Variants in RILPL1 observed in about 807,000 individuals in gnomAD.
RILPL1 encodes the protein Rab interacting lysosomal protein like 1.
Under a neutral mutation model 50.3 loss-of-function variants are expected in RILPL1, and 33 were observed. That is an observed-to-expected ratio of 0.66 (90% CI 0.50 to 0.88). The LOEUF (loss-of-function observed/expected upper bound fraction) is 0.88, where lower values mean the gene tolerates loss of function less well. RILPL1 is among the 40% of genes least tolerant of loss of function. The pLI, the probability that RILPL1 is intolerant of heterozygous loss-of-function variation, is 0.00. For synonymous variants in RILPL1, 205 were observed against 228.6 expected, an observed-to-expected ratio of 0.90 and a Z score of 0.93; for missense variants, 418 against 542.5, an observed-to-expected ratio of 0.77 and a Z score of 2.28.
rs113125813 is a variant in RILPL1 at position 123,498,207 on chromosome 12, T to TTCTC, written c.801+333_801+336dup. On this transcript the variant is annotated intron_variant, in intron 4 of 6. Coordinates refer to ENST00000376874, the MANE Select transcript of RILPL1 (RefSeq NM_178314.5). The surrounding 1 kb of genome is among the most constrained non-coding windows in gnomAD (Gnocchi z 4.3). ...TTGTTCTCTCTGAGCCTCTCGTTTT[T>TTCTC]TCTCTCTCTCTCTCTCTCTTTTTTT... Among the ~76,000 whole-genome samples, 8 of 151,052 alleles carry TTCTC rather than the reference T, an allele frequency of 5.3e-5. No homozygotes were observed. The highest frequency in any genetic ancestry group is 3.4e-3 in the Middle Eastern group (1 of 294).
At chr12:123,513,290 G>A in intron 2 of RILPL1, 5 of 310,908 alleles carry the variant, frequency 1.6e-5, no homozygotes, top group South Asian at 1.2e-4. Context: ...AACTCCTCCC[G>A]ACCCCCCGCC....
intron 2 of RILPL1, among the ~76,000 whole-genome samples, chr12:123,512,496 GTGGTGTGAGATCTGTGT>G: frequency 7.1e-6 from 1 of 141,028 alleles, no homozygotes; most frequent in Admixed American, 7.1e-5. Context: ...CTGTGTGTGT[GTGGTGTGAGATCTGTGT>G]GTGTGTGAGG....
intron 4 of RILPL1, among the ~76,000 whole-genome samples, chr12:123,487,309 CT>C (rs35920839): frequency 2.3e-3 from 332 of 146,566 alleles, no homozygotes; most frequent in Non-Finnish European, 3.5e-3. Context: ...GCACTTCACT[CT>C]TTTTTTTTTT....
rs1222599950 is a variant in RILPL1, at chr12:123,478,169, A to G, written c.1068-5487T>C. Among the ~76,000 whole-genome samples the G allele has an allele frequency of 3.3e-5, 5 of 151,046 alleles. No individual in the cohort carries two copies. The East Asian group carries it at 9.8e-4, about 30-fold the overall frequency. On this transcript the variant is annotated intron_variant, in intron 6 of 6. Coordinates refer to ENST00000376874, the MANE Select transcript of RILPL1 (RefSeq NM_178314.5). ...GTGCCACCATGCCCGGCCAATTAAA[A>G]AAAATTTTTTTCCTCGAGATAGGGT...
At chr12:123,486,609 A>G (rs1395141819) in intron 4 of RILPL1, among the ~76,000 whole-genome samples, 1 of 152,138 alleles carries the variant, frequency 6.6e-6, no homozygotes, top group East Asian at 1.9e-4. Flanking sequence ...GTTCTAGAAC[A>G]TTTTCTTCAT....
At chr12:123,526,738 C>T (rs2048615) in intron 1 of RILPL1, among the ~76,000 whole-genome samples, 85,160 of 152,028 alleles carry the variant, frequency 0.56, 25,878 homozygotes, top group East Asian at 0.9. Context: ...GCACAGAGGG[C>T]GCAAGGTCAC....
chr12:123,500,177 G>A (rs1396087769), intron 2 of RILPL1, among the ~76,000 whole-genome samples: 8 of 151,082 alleles, frequency 5.3e-5, no homozygotes, highest in Middle Eastern at 3.5e-3. Flanking sequence ...TGATCCGCCC[G>A]CCTCGGCCTC....
intron 2 of RILPL1, among the ~76,000 whole-genome samples, chr12:123,517,451 C>T (rs376150476): frequency 1.4e-4 from 20 of 145,862 alleles, no homozygotes; most frequent in Admixed American, 2.8e-4. Context: ...TTGCGAGTCT[C>T]GCTGTGTTGC....
intron 1 of RILPL1, among the ~76,000 whole-genome samples, chr12:123,528,609 AG>A (rs1432039567): frequency 6.6e-6 from 1 of 151,556 alleles, no homozygotes; most frequent in Non-Finnish European, 1.5e-5. Context: ...TTGTATTTTT[AG>A]TAGAGACGGG....
intron 6 of RILPL1, among the ~76,000 whole-genome samples, chr12:123,483,220 C>G (rs1324751345): frequency 1.3e-5 from 2 of 152,216 alleles, no homozygotes; most frequent in African/African-American, 4.8e-5. Context: ...GAATGCAGCT[C>G]CAACACTGCA....
In RILPL1 at chr12:123,485,704, G is replaced by A. The variant is rs745353568; in HGVS notation, c.903C>T (p.Asp301=). ...RPRFTLQELR[D]VLHERNELKS... is the part of the protein sequence containing the mutation. ...TGAGCTCGTTCCTCTCGTGCAGCAC[G>A]TCCCGCAGCTCCTGCAGGGTGAACC... Residue 301 remains aspartate (D), a synonymous_variant, in exon 5 of 7, where the codon GAC becomes GAT. Transcript: ENST00000376874. This position sits in a 1 kb window ranked among gnomAD's most constrained non-coding sequence, Gnocchi z 4.0. 17 of 1,613,466 alleles carry A rather than the reference G, an allele frequency of 1.1e-5. No individual in the cohort carries two copies. The highest frequency in any genetic ancestry group is 8.9e-5 in the East Asian group (4 of 44,842).
At chr12:123,495,484 C>T (rs1353943777) in intron 4 of RILPL1, among the ~76,000 whole-genome samples, 6 of 141,456 alleles carry the variant, frequency 4.2e-5, no homozygotes, top group African/African-American at 7.9e-5. Context: ...ACGCCATTCT[C>T]CTGCCTCAGC....
Position 123,485,621 on chromosome 12 carries a change from A to G in RILPL1, c.974+12T>C. On this transcript the variant is annotated intron_variant, in intron 5 of 6. Transcript: ENST00000376874. The surrounding 1 kb of genome is among the most constrained non-coding windows in gnomAD (Gnocchi z 4.0). ...GAGCCAGCTCGGGCCATCCAGCCCC[A>G]GGGACACTTGCCTCTTATAGTAAGC... 1 of 1,612,978 alleles carries G rather than the reference A, an allele frequency of 6.2e-7. No individual in the cohort carries two copies. The highest frequency in any genetic ancestry group is 8.5e-7 in the Non-Finnish European group (1 of 1,179,442).
rs1882705948 is a variant in RILPL1, at chr12:123,491,802, C to T, written c.802-5997G>A. ...GGCGGATCATTTGAGGTCAAGAGTT[C>T]GAGATCAGCCTGGGCAACATGGTAA... On this transcript the variant is annotated intron_variant, in intron 4 of 6. Transcript: ENST00000376874. The surrounding 1 kb of genome is among the most constrained non-coding windows in gnomAD (Gnocchi z 4.0). 6.6e-6 allele frequency among the ~76,000 whole-genome samples: 1 copy of T among 152,000 alleles called. No individual in the cohort carries two copies.
In RILPL1 at chr12:123,502,708, G is replaced by A. The variant is rs1188697458; in HGVS notation, c.461-3172C>T. ...AGTTATTGTTGAATTAATGACCTGT[G>A]AGGATGGGTGCTATGTCAGTTTCCT... is the stretch of plus-strand genomic sequence containing the variant. On this transcript the variant is annotated intron_variant, in intron 2 of 6. Coordinates refer to ENST00000376874, the MANE Select transcript of RILPL1 (RefSeq NM_178314.5). Among the ~76,000 whole-genome samples, 4 of 152,232 alleles carry A rather than the reference G, an allele frequency of 2.6e-5. No homozygotes were observed. In the East Asian group the frequency reaches 7.7e-4, roughly 29 times the overall value.
At chr12:123,505,944 C>A (rs762566239) in intron 2 of RILPL1, among the ~76,000 whole-genome samples, 2 of 152,204 alleles carry the variant, frequency 1.3e-5, no homozygotes, top group African/African-American at 4.8e-5. Context: ...TTATTGAGCA[C>A]CTTCTGTGTA....
chr12:123,516,033 CAAAAAAAAA>C (rs749657516), intron 2 of RILPL1, among the ~76,000 whole-genome samples: 6 of 36,192 alleles, frequency 1.7e-4, no homozygotes, highest in Admixed American at 6.7e-4. Context: ...GACTCTGTCT[CAAAAAAAAA>C]AAAAAAAAAA....
At position 123,485,079 on chromosome 12, in the gene RILPL1, G is replaced by T; in HGVS notation, c.974+554C>A. On this transcript the variant is annotated intron_variant, in intron 5 of 6. Transcript: ENST00000376874. The surrounding 1 kb of genome is among the most constrained non-coding windows in gnomAD (Gnocchi z 4.0). ...GAGCAGGGACCACCTCTGGTGCATG[G>T]GTCCTTCCTTCCAGCTTTCTATTCA... 1 of 450,118 alleles carries T rather than the reference G, an allele frequency of 2.2e-6. No individual in the cohort carries two copies. Among genetic ancestry groups the T allele is most frequent in the Non-Finnish European group, 4.5e-6 (1 of 221,854 alleles). 27.9% of individuals were successfully genotyped at this position (450,118 alleles called of 1,614,324 possible).
chr12:123,512,952 C>G (rs1593588857), intron 2 of RILPL1, among the ~76,000 whole-genome samples: 2 of 69,870 alleles, frequency 2.9e-5, no homozygotes, highest in Admixed American at 1.7e-4. Flanking sequence ...TGTGTGAGGT[C>G]CGTGTGTGTG....
Sources: allele counts gnomAD v4.1 joint callset (sites outside exome capture counted in the v4.1 genomes callset), GRCh38; gene constraint gnomAD v4.1.1; non-coding constraint Gnocchi (gnomAD v3.1); transcripts MANE v1.5; gene names NCBI Gene and HGNC (gene_info 2026-07-23, HGNC 2026-07-21).